TAMM41: variants seen among roughly 807,000 people sequenced by gnomAD.
TAMM41 encodes phosphatidate cytidylyltransferase, mitochondrial.
Under a neutral mutation model 44.1 loss-of-function variants are expected in TAMM41, and 36 were observed. That is an observed-to-expected ratio of 0.82 (90% CI 0.63 to 1.08). The LOEUF is 1.08. Ranked by LOEUF, TAMM41 falls within the 50% of genes least tolerant of loss-of-function variation. TAMM41 has a pLI of 0.00. For synonymous variants in TAMM41, 164 were observed against 153.1 expected (o/e 1.07, Z -0.53); for missense variants, 417 against 404.3 (o/e 1.03, Z -0.27).
chr3:11,782,567 A>G, the TAMM41 span, among the ~76,000 whole-genome samples: 1 of 152,050 alleles, frequency 6.6e-6, no homozygotes, highest in Non-Finnish European at 1.5e-5. Flanking sequence ...AAAAAGAAAA[A>G]AAAAGTGGGA....
Position 11,845,094 on chromosome 3 carries a change from T to C in TAMM41, c.136-883A>G. The C allele has an allele frequency of 4.7e-6, 2 of 428,488 alleles. 1 individual carries two copies. Among genetic ancestry groups the C allele is most frequent in the South Asian group, 3.4e-5 (2 of 58,602 alleles). The allele number at this position is 428,488 out of a possible 1,614,324, so 26.5% of individuals were successfully genotyped here. A position where few individuals can be genotyped will look rare whatever the true frequency, so the allele number is the denominator to read the frequency against. On this transcript the variant is annotated intron_variant, in intron 1 of 7. Coordinates refer to ENST00000455809, the MANE Select transcript of TAMM41 (RefSeq NM_001284401.2). ...ATGTTCTGGAAGCTGCCGTCAGATA[T>C]GACTGAAATAGAACACATTTATGCG...
At chr3:11,722,766 C>G in the TAMM41 span, among the ~76,000 whole-genome samples, 1 of 151,864 alleles carries the variant, frequency 6.6e-6, no homozygotes, top group African/African-American at 2.4e-5. Context: ...GTCAGGAGTT[C>G]AAGTCCAGGC....
the TAMM41 span, among the ~76,000 whole-genome samples, chr3:11,771,561 ATTTG>A: frequency 1.1e-4 from 17 of 151,916 alleles, no homozygotes; most frequent in African/African-American, 2.9e-4. Context: ...CAGTGGCCAG[ATTTG>A]TTTGTTTGTT....
the TAMM41 span, among the ~76,000 whole-genome samples, chr3:11,733,290 C>T: frequency 1.3e-5 from 2 of 151,910 alleles, no homozygotes; most frequent in Admixed American, 1.3e-4. Flanking sequence ...TGAGCCACCG[C>T]ACCAAGCCTG....
At chr3:11,745,280 G>A in the TAMM41 span, among the ~76,000 whole-genome samples, 3 of 152,212 alleles carry the variant, frequency 2.0e-5, no homozygotes, top group East Asian at 1.9e-4. Context: ...GCAGTGAGCC[G>A]TGATCGTGCC....
the TAMM41 span, among the ~76,000 whole-genome samples, chr3:11,754,517 A>G: frequency 6.7e-6 from 1 of 148,604 alleles, no homozygotes; most frequent in Admixed American, 6.8e-5. Context: ...GGTGCAGTCC[A>G]TCACGTCTGG....
chr3:11,833,455 A>C (rs2079062760), intron 3 of TAMM41, among the ~76,000 whole-genome samples: 1 of 152,160 alleles, frequency 6.6e-6, no homozygotes, highest in Non-Finnish European at 1.5e-5. Context: ...TCAAATACTC[A>C]ACCGCCCACC....
Position 11,818,360 on chromosome 3 carries a change from T to A in TAMM41, c.563-1023A>T, listed in dbSNP as rs117375514. 1.7e-3 allele frequency among the ~76,000 whole-genome samples: 253 copies of A among 152,226 alleles called. 5 individuals are homozygous for A. The highest frequency in any genetic ancestry group is 0.014 in the Admixed American group (219 of 15,282). ...AGTATAAACTGAGCAAACCAGGACATATGGTTACCCTCGCCAATTTCTTTT... is the reference window on the plus strand; with the variant it reads ...AGTATAAACTGAGCAAACCAGGACAAATGGTTACCCTCGCCAATTTCTTTT... On this transcript the variant is annotated intron_variant, in intron 4 of 7. Coordinates refer to ENST00000455809, the MANE Select transcript of TAMM41 (RefSeq NM_001284401.2).
rs746110070 is a variant in TAMM41 at position 11,817,233 on chromosome 3, T to C, written c.667A>G (p.Asn223Asp). 11 of 1,612,812 alleles carry C rather than the reference T, an allele frequency of 6.8e-6. No homozygotes were observed. The highest frequency in any genetic ancestry group is 5.5e-5 in the South Asian group (5 of 90,860). ...TGGCTTTTATACACCACTTGAGGAT[T>C]TTCCTGTAGTATGCTGCCATAGAGC... The part of the protein sequence containing the change: ...RELYGSILQE[N>D]PQVVYKSQQG... Residue 223 changes from asparagine to aspartate, a missense_variant, in exon 5 of 8, where the codon AAT becomes GAT. Coordinates refer to ENST00000455809, the MANE Select transcript of TAMM41 (RefSeq NM_001284401.2).
chr3:11,722,938 G>A, the TAMM41 span, among the ~76,000 whole-genome samples: 1 of 152,036 alleles, frequency 6.6e-6, no homozygotes, highest in African/African-American at 2.4e-5. Flanking sequence ...AGTCCAGTCT[G>A]GGTGACAGAG....
chr3:11,842,870 C>T (rs919799223), intron 2 of TAMM41, among the ~76,000 whole-genome samples: 2 of 152,082 alleles, frequency 1.3e-5, no homozygotes, highest in Admixed American at 1.3e-4. Flanking sequence ...TCATCCCTGG[C>T]CCAGGGAAGC....
At chr3:11,772,959 TTCTC>T in the TAMM41 span, among the ~76,000 whole-genome samples, 135 of 152,206 alleles carry the variant, frequency 8.9e-4, no homozygotes, top group African/African-American at 3.1e-3. Flanking sequence ...AGGTCTTTCT[TTCTC>T]TCTCTTTTTT....
Position 11,827,928 on chromosome 3 carries a change from TCTC to T in TAMM41, c.562+1783_562+1785del, listed in dbSNP as rs552394873. Among the ~76,000 whole-genome samples the T allele has an allele frequency of 1.3e-4, 20 of 152,298 alleles. No individual in the cohort carries two copies. In the East Asian group the frequency reaches 3.7e-3, roughly 28 times the overall value. ...GGACAGACATGGTTTTTCTGTTCCT[TCTC>T]CTGCCCACTCCCAGGAAAAATACTG... On this transcript the variant is annotated intron_variant, in intron 4 of 7. Coordinates refer to ENST00000455809, the MANE Select transcript of TAMM41 (RefSeq NM_001284401.2).
chr3:11,757,998 T>C, the TAMM41 span, among the ~76,000 whole-genome samples: 1 of 152,004 alleles, frequency 6.6e-6, no homozygotes, highest in Admixed American at 6.6e-5. Flanking sequence ...GCCATGGAAG[T>C]GTAAGTCTGG....
the TAMM41 span, among the ~76,000 whole-genome samples, chr3:11,748,919 T>TTTG: frequency 6.8e-6 from 1 of 147,112 alleles, no homozygotes; most frequent in African/African-American, 2.6e-5. Flanking sequence ...AGATTTTTTT[T>TTTG]TTTTTTTTTT....
the TAMM41 span, among the ~76,000 whole-genome samples, chr3:11,728,129 T>A: frequency 6.6e-6 from 1 of 151,994 alleles, no homozygotes; most frequent in African/African-American, 2.4e-5. Flanking sequence ...TGCAACTATT[T>A]CAAAAAAAAA....
At chr3:11,811,992 A>T (rs2078102002) in intron 5 of TAMM41, among the ~76,000 whole-genome samples, 1 of 152,164 alleles carries the variant, frequency 6.6e-6, no homozygotes, top group Non-Finnish European at 1.5e-5. Context: ...CAGTGGCGCG[A>T]TCTCAGCTCG....
chr3:11,759,980 A>AAAG, the TAMM41 span, among the ~76,000 whole-genome samples: 8 of 151,958 alleles, frequency 5.3e-5, no homozygotes, highest in East Asian at 1.5e-3. Flanking sequence ...ATCTCAAAAA[A>AAAG]AAAGAAAAAA....
At chr3:11,814,506 G>C (rs1392053466) in intron 5 of TAMM41, among the ~76,000 whole-genome samples, 1 of 151,754 alleles carries the variant, frequency 6.6e-6, no homozygotes, top group African/African-American at 2.4e-5. Flanking sequence ...AGAGACGAGA[G>C]AGAGAGAGAG....
Sources: allele counts gnomAD v4.1 joint callset (sites outside exome capture counted in the v4.1 genomes callset), GRCh38; gene constraint gnomAD v4.1.1; transcripts MANE v1.5; gene names NCBI Gene and HGNC (gene_info 2026-07-23, HGNC 2026-07-21).